The following PPP2R2A variants were observed in gnomAD, a reference collection of about 807,000 sequenced individuals.
PPP2R2A encodes the protein protein phosphatase 2 regulatory subunit Balpha.
PPP2R2A carries 9 observed loss-of-function variants against 53.2 expected under a neutral mutation model. The ratio of observed to expected loss-of-function variants is 0.17; its 90% CI spans 0.10 to 0.30. The LOEUF (loss-of-function observed/expected upper bound fraction) is 0.30, where lower values mean the gene tolerates loss of function less well. Among genes scored for constraint, PPP2R2A ranks in the 10% least tolerant of loss-of-function variants. The pLI is 1.00. For missense variants in PPP2R2A, 235 were observed against 534.6 expected, an observed-to-expected ratio of 0.44 and a Z score of 5.53; for synonymous variants, 169 against 174.2, an observed-to-expected ratio of 0.97 and a Z score of 0.23.
At chr8:26,304,896 T>A (rs1801943389) in intron 2 of PPP2R2A, among the ~76,000 whole-genome samples, 1 of 152,116 alleles carries the variant, frequency 6.6e-6, no homozygotes, top group African/African-American at 2.4e-5. Flanking sequence ...TTAATGAAAA[T>A]TTTTAGCTAC....
At chr8:26,363,927 G>T (rs371376039) in intron 8 of PPP2R2A, 37 bp downstream of exon 8, 1 of 1,504,330 alleles carries the variant, frequency 6.6e-7, no homozygotes, top group Non-Finnish European at 9.0e-7. Context: ...CATATACCCT[G>T]TTTACTTTGA....
chr8:26,313,144 C>T (rs1802371890), intron 2 of PPP2R2A, among the ~76,000 whole-genome samples: 1 of 151,766 alleles, frequency 6.6e-6, no homozygotes, highest in Non-Finnish European at 1.5e-5. Context: ...AGTGATTCTC[C>T]TGCCTCAGCC....
rs182275407 is a variant in PPP2R2A at position 26,332,119 on chromosome 8, G to C, written c.83-6771G>C. Among the ~76,000 whole-genome samples, 8 of 152,156 alleles carry C rather than the reference G, an allele frequency of 5.3e-5. No individual in the cohort carries two copies. In the East Asian group the frequency reaches 1.5e-3, roughly 29 times the overall value. On this transcript the variant is annotated intron_variant, in intron 2 of 9. Transcript: ENST00000380737. Reference sequence around the variant, plus strand: ...GCCTGTAATCCCAATACTTTGGAAGGCTGAGGTGGGAGGATCACTTGGCCA... The same window carrying C: ...GCCTGTAATCCCAATACTTTGGAAGCCTGAGGTGGGAGGATCACTTGGCCA...
intron 3 of PPP2R2A, chr8:26,339,757 A>T (rs931154374): frequency 2.0e-5 from 3 of 152,110 alleles, no homozygotes; most frequent in African/African-American, 7.2e-5. Context: ...TAATATATTT[A>T]AAAAGTTTAA....
At position 26,293,149 on chromosome 8, in the gene PPP2R2A, T is replaced by C. The variant is rs564703200; in HGVS notation, c.8-517T>C. 3.2e-6 allele frequency: 4 copies of C among 1,262,004 alleles called. No individual in the cohort carries two copies. In the South Asian group the frequency reaches 4.0e-5, roughly 13 times the overall value. The allele number at this position is 1,262,004 out of a possible 1,614,324, so 78.2% of individuals were successfully genotyped here. ...TTCCTCTCTGTCTGGAGCCAGTGAT[T>C]TGCTGGTAATGAATGCAAAGAAATG... On this transcript the variant is annotated intron_variant, in intron 1 of 9. Coordinates refer to ENST00000380737, the MANE Select transcript of PPP2R2A (RefSeq NM_002717.4).
chr8:26,322,831 C>T (rs1802908822), intron 2 of PPP2R2A, among the ~76,000 whole-genome samples: 1 of 152,166 alleles, frequency 6.6e-6, no homozygotes, highest in Admixed American at 6.5e-5. Flanking sequence ...TTCCCCTCTC[C>T]TTTTGACGAT....
At chr8:26,322,755 A>T (rs188231281) in intron 2 of PPP2R2A, among the ~76,000 whole-genome samples, 47 of 152,328 alleles carry the variant, frequency 3.1e-4, no homozygotes, top group African/African-American at 1.1e-3. Flanking sequence ...TATTAAGAGG[A>T]TGCCCTTCTT....
intron 2 of PPP2R2A, among the ~76,000 whole-genome samples, chr8:26,307,207 G>A (rs1564577): frequency 0.59 from 89,625 of 152,008 alleles, 26,695 homozygotes; most frequent in South Asian, 0.63. Flanking sequence ...ACATCTAGAT[G>A]TGTAATTAGT....
intron 3 of PPP2R2A, among the ~76,000 whole-genome samples, chr8:26,349,043 G>C (rs1180569285): frequency 6.6e-6 from 1 of 151,958 alleles, no homozygotes. Flanking sequence ...TTGAATAGTT[G>C]GGAAGAACAT....
intron 3 of PPP2R2A, among the ~76,000 whole-genome samples, chr8:26,343,054 T>A (rs1804024252): frequency 6.6e-6 from 1 of 151,972 alleles, no homozygotes; most frequent in African/African-American, 2.4e-5. Context: ...GGCACATACC[T>A]GTAATCCCAG....
At chr8:26,341,980 G>A (rs138924376) in intron 3 of PPP2R2A, among the ~76,000 whole-genome samples, 2 of 152,156 alleles carry the variant, frequency 1.3e-5, no homozygotes, top group African/African-American at 4.8e-5. Flanking sequence ...CTGCCTGTCC[G>A]TTTATTCCCC....
At chr8:26,329,472 C>T (rs1423754879) in intron 2 of PPP2R2A, among the ~76,000 whole-genome samples, 1 of 152,110 alleles carries the variant, frequency 6.6e-6, no homozygotes, top group Non-Finnish European at 1.5e-5. Flanking sequence ...CTGTTACATT[C>T]TCACCATACC....
chr8:26,336,058 C>T (rs1803641793), intron 2 of PPP2R2A, among the ~76,000 whole-genome samples: 1 of 152,162 alleles, frequency 6.6e-6, no homozygotes, highest in South Asian at 2.1e-4. Flanking sequence ...TGAGAGTCCC[C>T]TGTCTTCAGT....
chr8:26,324,719 G>A (rs4871972), intron 2 of PPP2R2A, among the ~76,000 whole-genome samples: 13,835 of 152,102 alleles, frequency 0.091, 726 homozygotes, highest in Non-Finnish European at 0.11. Context: ...ACCATGCCCC[G>A]GGAAAAGCTG....
At chr8:26,359,969 G>C (rs1278003761) in intron 4 of PPP2R2A, among the ~76,000 whole-genome samples, 200 bp from the exon 5 acceptor site, 1 of 151,854 alleles carries the variant, frequency 6.6e-6, no homozygotes, top group Non-Finnish European at 1.5e-5. Context: ...GAATTTATGA[G>C]TGCCACCAAT....
At chr8:26,318,873 C>G (rs1287111383) in intron 2 of PPP2R2A, among the ~76,000 whole-genome samples, 4 of 152,164 alleles carry the variant, frequency 2.6e-5, no homozygotes, top group Non-Finnish European at 4.4e-5. Context: ...GTAAAATACA[C>G]ATAAGGTTTA....
chr8:26,304,371 T>G (rs2117210900), intron 2 of PPP2R2A, among the ~76,000 whole-genome samples: 1 of 152,272 alleles, frequency 6.6e-6, no homozygotes, highest in Admixed American at 6.5e-5. Context: ...TATTTTATAC[T>G]TTAATCAGAA....
At chr8:26,300,482 C>T (rs187420938) in intron 2 of PPP2R2A, among the ~76,000 whole-genome samples, 2 of 152,228 alleles carry the variant, frequency 1.3e-5, no homozygotes, top group Admixed American at 1.3e-4. Flanking sequence ...ACTGTAATCT[C>T]GTTGCCCTTT....
intron 2 of PPP2R2A, among the ~76,000 whole-genome samples, chr8:26,330,363 G>A (rs1160773586): frequency 2.7e-5 from 4 of 146,278 alleles, no homozygotes; most frequent in Admixed American, 7.0e-5. Context: ...AGGCTGGAGT[G>A]CAATGGCACC....
Sources: gnomAD v4.1 joint callset for allele counts (sites outside exome capture counted in the v4.1 genomes callset) on GRCh38, gnomAD v4.1.1 for gene constraint, MANE v1.5 for transcripts, NCBI Gene and HGNC (gene_info 2026-07-23, HGNC 2026-07-21) for gene names.